ITGB5: variants seen among roughly 807,000 people sequenced by gnomAD.
ITGB5 encodes the protein integrin beta-5.
In ITGB5, 38 loss-of-function variants were observed where a neutral mutation model predicts 84.8. That is an observed-to-expected ratio of 0.45 (90% confidence interval 0.35 to 0.59). The LOEUF (loss-of-function observed/expected upper bound fraction) is 0.59. ITGB5 is among the 20% of genes least tolerant of loss of function. The probability of loss-of-function intolerance (pLI) is 0.01; values close to 1 mark genes in which losing one functional copy is unlikely to be tolerated. For synonymous variants in ITGB5, 393 were observed against 414.4 expected (o/e 0.95, Z 0.63); for missense variants, 905 against 1,034.5 (o/e 0.87, Z 1.72).
intron 5 of ITGB5, among the ~76,000 whole-genome samples, chr3:124,835,731 C>T (rs2064925905): frequency 2.6e-5 from 4 of 152,196 alleles, no homozygotes; most frequent in Admixed American, 2.6e-4. Flanking sequence ...TCAACTCATG[C>T]TTGGAAAAGT....
At chr3:124,763,831 GCAGAGCACTC>G in intron 14 of ITGB5, 113 bp from the exon 15 acceptor site, 1 of 641,438 alleles carries the variant, frequency 1.6e-6, no homozygotes, top group Non-Finnish European at 2.8e-6. Context: ...ACAGCAGCAG[GCAGAGCACTC>G]AGGAGGAGAC....
rs533399464 is a variant in ITGB5, at chr3:124,805,092, T to TTC, written c.1263+3928_1263+3929dup. ...CTGCCCTTCCTTTCCGTTTCTTTCT[T>TTC]TCTCTCTCTCTCTCTCCTTCCTTTC... On this transcript the variant is annotated intron_variant, in intron 9 of 14. Transcript: ENST00000296181. 4.0e-3 allele frequency among the ~76,000 whole-genome samples: 582 copies of TTC among 145,676 alleles called. 1 individual carries two copies. The highest frequency in any genetic ancestry group is 5.7e-3 in the Non-Finnish European group (380 of 66,260).
chr3:124,880,030 GTTC>G (rs1433478933), intron 1 of ITGB5, among the ~76,000 whole-genome samples: 2 of 152,212 alleles, frequency 1.3e-5, no homozygotes, highest in African/African-American at 2.4e-5. Context: ...TTACCTCTAT[GTTC>G]TTCTTCCAAA....
intron 5 of ITGB5, among the ~76,000 whole-genome samples, chr3:124,835,029 T>C (rs1337831115): frequency 6.6e-6 from 1 of 152,180 alleles, no homozygotes; most frequent in Non-Finnish European, 1.5e-5. Context: ...CCTCCTACCC[T>C]TTCCCCAGGA....
intron 10 of ITGB5, chr3:124,792,540 C>T (rs2064163831): frequency 6.6e-6 from 1 of 152,266 alleles, no homozygotes; most frequent in South Asian, 2.1e-4. Context: ...AGAAGACAGA[C>T]AGCACCAACT....
At chr3:124,889,875 G>T (rs1934959235), upstream of ITGB5, among the ~76,000 whole-genome samples, 1 of 152,164 alleles carries the variant, frequency 6.6e-6, no homozygotes, top group African/African-American at 2.4e-5. Context: ...AGCTGGGCAT[G>T]GTGGTGGGTG....
intron 1 of ITGB5, among the ~76,000 whole-genome samples, chr3:124,880,414 T>C (rs373641895): frequency 6.6e-6 from 1 of 152,220 alleles, no homozygotes; most frequent in South Asian, 2.1e-4. Context: ...CACTATCTTC[T>C]CAATTTTTCT....
At chr3:124,768,696 T>A (rs943769184) in intron 12 of ITGB5, among the ~76,000 whole-genome samples, 1 of 152,268 alleles carries the variant, frequency 6.6e-6, no homozygotes, top group Non-Finnish European at 1.5e-5. Flanking sequence ...ATAATGCTGC[T>A]GTGAACATTT....
At chr3:124,853,785 A>C (rs2065188251) in intron 3 of ITGB5, among the ~76,000 whole-genome samples, 1 of 152,224 alleles carries the variant, frequency 6.6e-6, no homozygotes, top group Non-Finnish European at 1.5e-5. Flanking sequence ...TTGTTATATT[A>C]AGATGCTATC....
intron 9 of ITGB5, among the ~76,000 whole-genome samples, chr3:124,805,987 C>T (rs1042611154): frequency 1.3e-5 from 2 of 152,126 alleles, no homozygotes; most frequent in Non-Finnish European, 2.9e-5. Flanking sequence ...GCAGCCTTCC[C>T]ACATTTGATA....
upstream of ITGB5, among the ~76,000 whole-genome samples, chr3:124,891,210 T>G (rs988555391): frequency 2.6e-5 from 4 of 152,162 alleles, no homozygotes; most frequent in African/African-American, 9.7e-5. Context: ...ACAACTCTAG[T>G]TCTGGGTATA....
intron 5 of ITGB5, among the ~76,000 whole-genome samples, chr3:124,832,147 T>C (rs1219120437): frequency 6.6e-6 from 1 of 151,930 alleles, no homozygotes; most frequent in Non-Finnish European, 1.5e-5. Context: ...CCCCTGGGAC[T>C]GTTTCAGTAC....
Position 124,767,724 on chromosome 3 carries a change from C to G in ITGB5, c.2017+1289G>C, listed in dbSNP as rs2063787190. On this transcript the variant is annotated intron_variant, in intron 12 of 14. Coordinates refer to ENST00000296181, the MANE Select transcript of ITGB5 (RefSeq NM_002213.5). ...CAGTCTCCTAAGGAGATAGACAGCA[C>G]CTGGCACACAGTAGGCGCTCAACGA... Among the ~76,000 whole-genome samples, 4 of 152,168 alleles carry G rather than the reference C, an allele frequency of 2.6e-5. No homozygotes were observed. The South Asian group carries it at 8.3e-4, about 31-fold the overall frequency.
chr3:124,775,536 G>A (rs775181212), intron 10 of ITGB5, among the ~76,000 whole-genome samples: 3 of 152,144 alleles, frequency 2.0e-5, no homozygotes, highest in East Asian at 3.9e-4. Context: ...GAGGCAGAAC[G>A]CAGTGCTACA....
chr3:124,763,540 T>C lies in ITGB5; in HGVS notation c.*83A>G. The C allele has an allele frequency of 1.2e-6, 1 of 808,096 alleles. No individual in the cohort carries two copies. 50.1% of individuals were successfully genotyped at this position (808,096 alleles called of 1,614,324 possible). ...TCTGTGGTGCCTACCTAGGGAGCTG[T>C]GATCAAGCCGAGCAGCCGTGCAAGG... On this transcript the variant is annotated 3_prime_UTR_variant, in exon 15 of 15. Coordinates refer to ENST00000296181, the MANE Select transcript of ITGB5 (RefSeq NM_002213.5).
chr3:124,764,547 G>A lies in ITGB5; in HGVS notation c.2148C>T (p.Asn716=). 3 of 1,610,664 alleles carry A rather than the reference G, an allele frequency of 1.9e-6. No individual in the cohort carries two copies. Among genetic ancestry groups the A allele is most frequent in the South Asian group, 1.1e-5 (1 of 90,956 alleles). ...GGAGGATGGTCATGGCGTTGGGGGT[G>A]TTTCCACACTCTGGGGGGACCAGAA... ...LTVLREPECG[N]TPNAMTILLA... Residue 716 remains asparagine (N), a synonymous_variant, in exon 14 of 15, where the codon AAC becomes AAT. Transcript: ENST00000296181.
intron 7 of ITGB5, among the ~76,000 whole-genome samples, chr3:124,818,670 C>G (rs111453860): frequency 5.3e-5 from 8 of 152,038 alleles, no homozygotes; most frequent in African/African-American, 1.9e-4. Context: ...CACACCACCA[C>G]GCCCTGAATA....
chr3:124,846,444 CA>C (rs893165855), intron 4 of ITGB5, among the ~76,000 whole-genome samples: 20 of 142,418 alleles, frequency 1.4e-4, no homozygotes, highest in Admixed American at 4.2e-4. Context: ...AAAAAACCAA[CA>C]AAAAAAAAAC....
Position 124,887,096 on chromosome 3 carries a change from G to T in ITGB5, c.-96C>A, listed in dbSNP as rs61760564. 0.011 allele frequency: 3,468 copies of T among 314,268 alleles called. 118 individuals are homozygous for T. Among genetic ancestry groups the T allele is most frequent in the African/African-American group, 0.073 (3,235 of 44,020 alleles). 19.5% of individuals were successfully genotyped at this position (314,268 alleles called of 1,614,324 possible). A position where few individuals can be genotyped will look rare whatever the true frequency, so the allele number is the denominator to read the frequency against. Reference sequence around the variant, plus strand: ...GGAGCGCGGGGGCCGAGGGCCGGGGGCCGCAGCCGCATGCCCCGCGCGCAG... The same window carrying T: ...GGAGCGCGGGGGCCGAGGGCCGGGGTCCGCAGCCGCATGCCCCGCGCGCAG... On this transcript the variant is annotated 5_prime_UTR_variant, in exon 1 of 15. Transcript: ENST00000296181.
Sources: allele counts gnomAD v4.1 joint callset (sites outside exome capture counted in the v4.1 genomes callset), GRCh38; gene constraint gnomAD v4.1.1; transcripts MANE v1.5; gene names NCBI Gene and HGNC (gene_info 2026-07-23, HGNC 2026-07-21).